The following UNC5A variants were observed in gnomAD, a reference collection of about 807,000 sequenced individuals.
UNC5A encodes unc-5 netrin receptor A.
A neutral mutation model predicts 87.4 loss-of-function variants in UNC5A; 20 were observed. The ratio of observed to expected loss-of-function variants is 0.23; its 90% CI spans 0.16 to 0.33. The LOEUF (loss-of-function observed/expected upper bound fraction) is 0.33. Ranked by LOEUF, UNC5A falls within the 10% of genes least tolerant of loss-of-function variation. The probability of loss-of-function intolerance (pLI) is 1.00; values close to 1 mark genes in which losing one functional copy is unlikely to be tolerated. For synonymous variants in UNC5A, 438 were observed against 482.3 expected (o/e 0.91, Z 1.20); for missense variants, 844 against 1,133.4 (o/e 0.74, Z 3.67).
rs760505456 is a variant in UNC5A, at chr5:176,865,540, C to G, written c.293-2590C>G. ...CCTCTTCTGCCCCGAGCATCCGACT[C>G]CAGCCTCCCATGGCCGGAACATCTG... is the stretch of plus-strand genomic sequence containing the variant. On this transcript the variant is annotated intron_variant, in intron 2 of 14. Transcript: ENST00000329542. This position sits in a 1 kb window ranked among gnomAD's most constrained non-coding sequence, Gnocchi z 5.3. 26 of 455,040 alleles carry G rather than the reference C, an allele frequency of 5.7e-5. No individual in the cohort carries two copies. The highest frequency in any genetic ancestry group is 1.4e-4 in the Admixed American group (6 of 42,504). 28.2% of individuals were successfully genotyped at this position (455,040 alleles called of 1,614,324 possible).
rs114188458 is a variant in UNC5A at position 176,880,531 on chromosome 5, G to A, written c.*645G>A. 1,477 of 154,424 alleles carry A rather than the reference G, an allele frequency of 9.6e-3. 16 individuals carry two copies. The highest frequency in any genetic ancestry group is 0.042 in the South Asian group (206 of 4,908). 9.6% of individuals were successfully genotyped at this position (154,424 alleles called of 1,614,324 possible). On this transcript the variant is annotated 3_prime_UTR_variant, in exon 15 of 15. Transcript: ENST00000329542. ...ACACCTGAGGCTGCTCACGTCTCAC[G>A]CCCAGTGTTGGTGCACATTTGCCTC...
Position 176,866,910 on chromosome 5 carries a change from C to G in UNC5A, c.293-1220C>G, listed in dbSNP as rs982536959. On this transcript the variant is annotated intron_variant, in intron 2 of 14. Coordinates refer to ENST00000329542, the MANE Select transcript of UNC5A (RefSeq NM_133369.3). This position sits in a 1 kb window ranked among gnomAD's most constrained non-coding sequence, Gnocchi z 5.0. Reference sequence around the variant, plus strand: ...ACAGCTCTGCCATCTCCTATGATAGCTGGCCGGCGACAGGGACAAAGTGAT... The same window carrying G: ...ACAGCTCTGCCATCTCCTATGATAGGTGGCCGGCGACAGGGACAAAGTGAT... Among the ~76,000 whole-genome samples, 10 of 152,190 alleles carry G rather than the reference C, an allele frequency of 6.6e-5. No homozygotes were observed. Among genetic ancestry groups the G allele is most frequent in the South Asian group, 2.1e-4 (1 of 4,834 alleles).
intron 2 of UNC5A, among the ~76,000 whole-genome samples, chr5:176,864,627 A>G (rs1375411920): frequency 2.6e-5 from 4 of 151,748 alleles, no homozygotes; most frequent in African/African-American, 9.7e-5. Flanking sequence ...GTCACACACC[A>G]CCCCTCCGTG....
chr5:176,827,188 T>TC (rs1432088673), intron 1 of UNC5A, among the ~76,000 whole-genome samples: 3 of 146,778 alleles, frequency 2.0e-5, no homozygotes, highest in African/African-American at 5.0e-5. Context: ...CCTTTTTTTT[T>TC]TTTTTTTTTT....
chr5:176,873,851 T>C lies in UNC5A; in HGVS notation c.887-117T>C, dbSNP rs1479203773. On this transcript the variant is annotated intron_variant, in intron 6 of 14. Coordinates refer to ENST00000329542, the MANE Select transcript of UNC5A (RefSeq NM_133369.3). ...CTCCCTGCCACAAGCGTCTGCTCCC[T>C]AGCTAGTGCAGATGCCCCGGGGTGC... 1.5e-5 allele frequency: 16 copies of C among 1,060,816 alleles called. No homozygotes were observed. The East Asian group carries it at 2.9e-4, about 19-fold the overall frequency. 65.7% of individuals were successfully genotyped at this position (1,060,816 alleles called of 1,614,324 possible).
At position 176,865,856 on chromosome 5, in the gene UNC5A, G is replaced by A; in HGVS notation, c.293-2274G>A. The A allele has an allele frequency of 2.8e-6, 1 of 353,722 alleles. No homozygotes were observed. The highest frequency in any genetic ancestry group is 5.6e-6 in the Non-Finnish European group (1 of 177,586). 21.9% of individuals were successfully genotyped at this position (353,722 alleles called of 1,614,324 possible). ...CCCTCATTCCTCACCCAGAAGGCCAGGGGGCAGGGACCAAGGCCTGAAGTG... is the reference window on the plus strand; with the variant it reads ...CCCTCATTCCTCACCCAGAAGGCCAAGGGGCAGGGACCAAGGCCTGAAGTG... On this transcript the variant is annotated intron_variant, in intron 2 of 14. Coordinates refer to ENST00000329542, the MANE Select transcript of UNC5A (RefSeq NM_133369.3). This position sits in a 1 kb window ranked among gnomAD's most constrained non-coding sequence, Gnocchi z 5.3.
chr5:176,858,918 G>A (rs73804249), intron 1 of UNC5A, among the ~76,000 whole-genome samples: 10 of 152,228 alleles, frequency 6.6e-5, no homozygotes, highest in South Asian at 2.1e-4. Flanking sequence ...GGGACACCGA[G>A]GGGGGGACAG....
rs144524143 is a variant in UNC5A at position 176,820,951 on chromosome 5, T to G, written c.70+10131T>G. Among the ~76,000 whole-genome samples the G allele has an allele frequency of 2.2e-3, 339 of 152,328 alleles. 3 individuals carry two copies. Among genetic ancestry groups the G allele is most frequent in the Non-Finnish European group, 4.0e-3 (271 of 68,030 alleles). On this transcript the variant is annotated intron_variant, in intron 1 of 14. Transcript: ENST00000329542. The stretch of plus-strand genomic sequence containing the variant: ...AACAACCCAGTCTTCCGCCAGTGCT[T>G]CTTCTTTCCTAAATTTGTGAGAATT...
intron 1 of UNC5A, among the ~76,000 whole-genome samples, chr5:176,828,179 C>T (rs1323978306): frequency 1.3e-5 from 2 of 152,216 alleles, no homozygotes; most frequent in Admixed American, 6.5e-5. Context: ...CGGCTACAAA[C>T]AATGCGGCAG....
intron 13 of UNC5A, 148 bp from the exon 14 acceptor site, chr5:176,879,162 C>T: frequency 3.0e-6 from 3 of 1,002,740 alleles, no homozygotes; most frequent in Non-Finnish European, 1.4e-6. Context: ...TAAGAAGGGC[C>T]TTGGCACATG....
intron 1 of UNC5A, among the ~76,000 whole-genome samples, chr5:176,832,733 A>G (rs879788956): frequency 6.6e-6 from 1 of 152,216 alleles, no homozygotes. Flanking sequence ...AAGATTTTCA[A>G]TCAGGAAAGC....
At chr5:176,867,317 G>C (rs1757998686) in intron 2 of UNC5A, among the ~76,000 whole-genome samples, 1 of 152,220 alleles carries the variant, frequency 6.6e-6, no homozygotes, top group Non-Finnish European at 1.5e-5. Flanking sequence ...CCTCAGGCCA[G>C]ATATGGCAGA....
intron 3 of UNC5A, 47 bp downstream of exon 3, chr5:176,868,320 G>A: frequency 6.2e-7 from 1 of 1,608,188 alleles, no homozygotes; most frequent in Non-Finnish European, 8.5e-7. Context: ...GCGGGAGGGT[G>A]TCACCAGGAG....
At chr5:176,851,988 A>G (rs1757555305) in intron 1 of UNC5A, among the ~76,000 whole-genome samples, 1 of 152,048 alleles carries the variant, frequency 6.6e-6, no homozygotes, top group Admixed American at 6.5e-5. Context: ...CCGTCTCTGA[A>G]CTCATTTCCT....
At chr5:176,823,760 G>A (rs1216984120) in intron 1 of UNC5A, among the ~76,000 whole-genome samples, 3 of 149,190 alleles carry the variant, frequency 2.0e-5, no homozygotes, top group Admixed American at 6.6e-5. Context: ...GGGAAAGGAC[G>A]GCTGGATACT....
chr5:176,833,343 C>T (rs1010373910), intron 1 of UNC5A, among the ~76,000 whole-genome samples: 2 of 152,124 alleles, frequency 1.3e-5, no homozygotes, highest in Non-Finnish European at 1.5e-5. Context: ...CTGTTGTTTC[C>T]CTCTGTGTGT....
In UNC5A at chr5:176,844,888, G is replaced by A. The variant is rs971500056; in HGVS notation, c.71-17736G>A. 5.9e-5 allele frequency among the ~76,000 whole-genome samples: 9 copies of A among 152,178 alleles called. No homozygotes were observed. The highest frequency in any genetic ancestry group is 3.3e-4 in the Admixed American group (5 of 15,290). ...CCCTGCCCAGTGCTCATGACAGACA[G>A]CAGCAGTTCCACACTTGGGTCTGCA... On this transcript the variant is annotated intron_variant, in intron 1 of 14. Transcript: ENST00000329542. The surrounding 1 kb of genome is among the most constrained non-coding windows in gnomAD (Gnocchi z 4.2).
Position 176,841,041 on chromosome 5 carries a change from G to A in UNC5A, c.71-21583G>A, listed in dbSNP as rs1581255190. The stretch of plus-strand genomic sequence containing the variant: ...GGAGAAGGGGGATGAACCACTCCGC[G>A]CTGAATGGAGGCAGCGTGACTTGGT... On this transcript the variant is annotated intron_variant, in intron 1 of 14. Transcript: ENST00000329542. This position sits in a 1 kb window ranked among gnomAD's most constrained non-coding sequence, Gnocchi z 4.1. Among the ~76,000 whole-genome samples the A allele has an allele frequency of 6.6e-6, 1 of 152,226 alleles. No homozygotes were observed. Among genetic ancestry groups the A allele is most frequent in the African/African-American group, 2.4e-5 (1 of 41,452 alleles).
chr5:176,875,917 C>A lies in UNC5A; in HGVS notation c.1379-1275C>A, dbSNP rs545000806. The stretch of plus-strand genomic sequence containing the variant: ...CACGTCCACACGGATGATAACGAAC[C>A]CCTCATGGGGCTGTTGGGATGACGA... On this transcript the variant is annotated intron_variant, in intron 8 of 14. Coordinates refer to ENST00000329542, the MANE Select transcript of UNC5A (RefSeq NM_133369.3). The surrounding 1 kb of genome is among the most constrained non-coding windows in gnomAD (Gnocchi z 5.2). 1.3e-5 allele frequency among the ~76,000 whole-genome samples: 2 copies of A among 152,368 alleles called. No individual in the cohort carries two copies. Among genetic ancestry groups the A allele is most frequent in the Admixed American group, 1.3e-4 (2 of 15,312 alleles).
Sources: gnomAD v4.1 joint callset for allele counts (sites outside exome capture counted in the v4.1 genomes callset) on GRCh38, gnomAD v4.1.1 for gene constraint, Gnocchi (gnomAD v3.1) non-coding constraint, MANE v1.5 for transcripts, NCBI Gene and HGNC (gene_info 2026-07-23, HGNC 2026-07-21) for gene names.